NR3C2: variants seen among roughly 807,000 people sequenced by gnomAD.
NR3C2 encodes nuclear receptor subfamily 3 group C member 2.
NR3C2 carries 15 observed loss-of-function variants against 86.4 expected under a neutral mutation model. That is an observed-to-expected ratio of 0.17 (90% CI 0.12 to 0.27). NR3C2 has a LOEUF of 0.27. NR3C2 is among the 10% of genes least tolerant of loss of function. The probability of loss-of-function intolerance (pLI) is 1.00; values close to 1 mark genes in which losing one functional copy is unlikely to be tolerated. For synonymous variants in NR3C2, 458 were observed against 450.5 expected, an observed-to-expected ratio of 1.02 and a Z score of -0.21; for missense variants, 960 against 1,195.6, an observed-to-expected ratio of 0.80 and a Z score of 2.91.
chr4:148,261,293 A>C lies in NR3C2; in HGVS notation c.1758-1176T>G, dbSNP rs1453464720. Among the ~76,000 whole-genome samples the C allele has an allele frequency of 4.3e-3, 265 of 61,834 alleles. 3 individuals carry two copies. The highest frequency in any genetic ancestry group is 0.027 in the South Asian group (47 of 1,712). 40.6% of individuals were successfully genotyped at this position (61,834 alleles called of 152,430 possible). A position where few individuals can be genotyped will look rare whatever the true frequency, so the allele number is the denominator to read the frequency against. ...GGTGCACTATGGTAAGCGCTATGGTAAGTGCTATGGTGCGCTATGGTAAGC... is the reference window on the plus strand; with the variant it reads ...GGTGCACTATGGTAAGCGCTATGGTCAGTGCTATGGTGCGCTATGGTAAGC... On this transcript the variant is annotated intron_variant, in intron 2 of 8. Transcript: ENST00000358102.
chr4:148,373,082 T>C (rs1348117705), intron 2 of NR3C2, among the ~76,000 whole-genome samples: 3 of 152,226 alleles, frequency 2.0e-5, no homozygotes. Context: ...AAAGCAATGC[T>C]ATACTCTGAT....
intron 2 of NR3C2, among the ~76,000 whole-genome samples, chr4:148,284,832 GA>G (rs1435822329): frequency 1.3e-5 from 2 of 152,244 alleles, no homozygotes; most frequent in African/African-American, 4.8e-5. Flanking sequence ...TGAGAGCACT[GA>G]GGGGCTGGGG....
chr4:148,308,407 A>G (rs1336328625), intron 2 of NR3C2, among the ~76,000 whole-genome samples: 1 of 152,254 alleles, frequency 6.6e-6, no homozygotes, highest in African/African-American at 2.4e-5. Flanking sequence ...TCTACTTGAA[A>G]TCCACCAGCA....
intron 2 of NR3C2, among the ~76,000 whole-genome samples, chr4:148,363,504 C>CTTTTTTTTTTGTT (rs1375693723): frequency 1.4e-5 from 1 of 69,880 alleles, no homozygotes; most frequent in Non-Finnish European, 2.5e-5. Context: ...TCTCATAGAT[C>CTTTTTTTTTTGTT]TCTTTTTTTT....
intron 2 of NR3C2, among the ~76,000 whole-genome samples, chr4:148,427,031 T>C (rs1266457293): frequency 6.6e-6 from 1 of 152,014 alleles, no homozygotes; most frequent in Non-Finnish European, 1.5e-5. Context: ...CTCGGTTCAC[T>C]GCAACGTCCA....
intron 4 of NR3C2, among the ~76,000 whole-genome samples, chr4:148,160,888 C>A (rs2149774569): frequency 6.6e-6 from 1 of 152,264 alleles, no homozygotes; most frequent in Non-Finnish European, 1.5e-5. Context: ...CTTTCCTCAT[C>A]TCTTTATCTG....
At chr4:148,122,538 G>C (rs1331557591) in intron 6 of NR3C2, among the ~76,000 whole-genome samples, 1 of 152,060 alleles carries the variant, frequency 6.6e-6, no homozygotes, top group Non-Finnish European at 1.5e-5. Context: ...GACAAGTTTG[G>C]ATGTTCTCTA....
chr4:148,191,812 T>G (rs1395722830), intron 4 of NR3C2, among the ~76,000 whole-genome samples: 1 of 152,228 alleles, frequency 6.6e-6, no homozygotes, highest in Non-Finnish European at 1.5e-5. Flanking sequence ...TTTCTAAAAG[T>G]GTGTCCAAAG....
intron 2 of NR3C2, among the ~76,000 whole-genome samples, chr4:148,410,264 C>A (rs978219550): frequency 1.3e-5 from 2 of 152,286 alleles, no homozygotes; most frequent in East Asian, 3.9e-4. Flanking sequence ...GGCTGCTTCT[C>A]ACCCATACCA....
intron 2 of NR3C2, among the ~76,000 whole-genome samples, chr4:148,333,419 A>C (rs62333584): frequency 0.34 from 51,404 of 152,018 alleles, 9,956 homozygotes; most frequent in African/African-American, 0.54. Flanking sequence ...CACATTGCTG[A>C]CTACCTAAAA....
At chr4:148,188,854 A>G (rs182476171) in intron 4 of NR3C2, among the ~76,000 whole-genome samples, 17 of 150,922 alleles carry the variant, frequency 1.1e-4, no homozygotes, top group African/African-American at 4.1e-4. Context: ...ATTCAGTATC[A>G]TGTTGGCTGT....
intron 4 of NR3C2, among the ~76,000 whole-genome samples, chr4:148,165,164 C>G (rs1206245337): frequency 6.6e-6 from 1 of 152,202 alleles, no homozygotes. Flanking sequence ...AATACATGTA[C>G]ATTTGCTTGC....
At chr4:148,187,917 C>T (rs189511662) in intron 4 of NR3C2, among the ~76,000 whole-genome samples, 1 of 152,270 alleles carries the variant, frequency 6.6e-6, no homozygotes, top group Admixed American at 6.5e-5. Context: ...GATGAGGATC[C>T]AGTTTCATTC....
intron 6 of NR3C2, chr4:148,146,862 A>C (rs1407425749): frequency 1.3e-5 from 2 of 152,324 alleles, no homozygotes. Flanking sequence ...GCAAGTCTTT[A>C]ATATATGTTT....
intron 6 of NR3C2, among the ~76,000 whole-genome samples, chr4:148,135,930 G>A (rs1733288471): frequency 7.7e-6 from 1 of 130,320 alleles, no homozygotes. Context: ...AGTGGCGGGC[G>A]CCTGTAGTCC....
At chr4:148,235,121 G>A (rs2149841255) in intron 3 of NR3C2, among the ~76,000 whole-genome samples, 2 of 152,132 alleles carry the variant, frequency 1.3e-5, no homozygotes, top group East Asian at 3.9e-4. Context: ...AATGTGTGGT[G>A]CTTCCTTGGT....
At chr4:148,422,516 G>C (rs571953614) in intron 2 of NR3C2, among the ~76,000 whole-genome samples, 1 of 151,938 alleles carries the variant, frequency 6.6e-6, no homozygotes, top group East Asian at 1.9e-4. Flanking sequence ...CAAACGTATC[G>C]AAAAAATATT....
chr4:148,243,191 TG>T (rs1739148511), intron 3 of NR3C2, among the ~76,000 whole-genome samples: 1 of 152,056 alleles, frequency 6.6e-6, no homozygotes, highest in Non-Finnish European at 1.5e-5. Context: ...CTACCATGCC[TG>T]GCTAATTTTT....
At chr4:148,417,658 G>A (rs1408797215) in intron 2 of NR3C2, among the ~76,000 whole-genome samples, 1 of 152,110 alleles carries the variant, frequency 6.6e-6, no homozygotes, top group East Asian at 1.9e-4. Context: ...TCTCAAACAC[G>A]AAATTTATTC....
Sources: allele counts gnomAD v4.1 joint callset (sites outside exome capture counted in the v4.1 genomes callset), GRCh38; gene constraint gnomAD v4.1.1; transcripts MANE v1.5; gene names NCBI Gene and HGNC (gene_info 2026-07-23, HGNC 2026-07-21).